FLT1: variants seen among roughly 807,000 people sequenced by gnomAD.
FLT1 encodes fms related receptor tyrosine kinase 1.
FLT1 carries 49 observed loss-of-function variants against 156.3 expected under a neutral mutation model. That is an observed-to-expected ratio of 0.31 (90% CI 0.25 to 0.40). The LOEUF is 0.40. Ranked by LOEUF, FLT1 falls within the 10% of genes least tolerant of loss-of-function variation. The probability of loss-of-function intolerance (pLI) is 1.00; values close to 1 mark genes in which losing one functional copy is unlikely to be tolerated. For synonymous variants in FLT1, 594 were observed against 583.8 expected (o/e 1.02, Z -0.25); for missense variants, 1,322 against 1,637.2 (o/e 0.81, Z 3.32).
chr13:28,465,093 TA>T (rs943205359), intron 3 of FLT1, among the ~76,000 whole-genome samples: 9 of 152,208 alleles, frequency 5.9e-5, no homozygotes, highest in South Asian at 2.1e-4. Context: ...TTTCCACCAC[TA>T]TCAAGCGTGT....
rs893373751 is a variant in FLT1, at chr13:28,486,190, T to C, written c.64+8590A>G. On this transcript the variant is annotated intron_variant, in intron 1 of 29. Coordinates refer to ENST00000282397, the MANE Select transcript of FLT1 (RefSeq NM_002019.4). ...GAATTACATGTTGTACGGGTTACCC[T>C]GGATGCCCCCAGGAAGGGGGAAGCA... is the stretch of plus-strand genomic sequence containing the variant. Among the ~76,000 whole-genome samples, 7 of 152,350 alleles carry C rather than the reference T, an allele frequency of 4.6e-5. No individual in the cohort carries two copies. In the East Asian group the frequency reaches 9.6e-4, roughly 21 times the overall value.
At chr13:28,412,336 TTC>T (rs1418608085) in intron 10 of FLT1, among the ~76,000 whole-genome samples, 3 of 79,842 alleles carry the variant, frequency 3.8e-5, no homozygotes, top group African/African-American at 8.1e-5. Context: ...TTTCTTTTCT[TTC>T]TTTCTTTCTT....
chr13:28,304,630 A>G (rs1208835891), intron 29 of FLT1, among the ~76,000 whole-genome samples: 1 of 152,158 alleles, frequency 6.6e-6, no homozygotes, highest in Non-Finnish European at 1.5e-5. Flanking sequence ...CATCACCATA[A>G]TCAACTTTAG....
intron 10 of FLT1, among the ~76,000 whole-genome samples, chr13:28,419,103 G>T (rs967328617): frequency 6.6e-6 from 1 of 152,144 alleles, no homozygotes; most frequent in African/African-American, 2.4e-5. Flanking sequence ...GTGGCAAAAC[G>T]TCCTAGGAGG....
intron 18 of FLT1, among the ~76,000 whole-genome samples, chr13:28,333,648 T>C (rs1383736675): frequency 6.6e-6 from 1 of 152,204 alleles, no homozygotes; most frequent in Non-Finnish European, 1.5e-5. Context: ...AGCAAAGCCA[T>C]TGGGATTTAG....
intron 1 of FLT1, among the ~76,000 whole-genome samples, chr13:28,474,881 A>G (rs989277337): frequency 1.3e-5 from 2 of 152,204 alleles, no homozygotes; most frequent in African/African-American, 4.8e-5. Flanking sequence ...TAAAGCTGCT[A>G]TTTTTAAAAA....
chr13:28,323,083 G>A (rs1871536483), intron 20 of FLT1, 137 bp from the exon 21 acceptor site: 2 of 920,212 alleles, frequency 2.2e-6, no homozygotes, highest in Admixed American at 1.9e-5. Context: ...CTAGCACAGG[G>A]GCCCTACGGT....
At chr13:28,409,860 CTT>C (rs548371737) in intron 10 of FLT1, among the ~76,000 whole-genome samples, 10 of 143,818 alleles carry the variant, frequency 7.0e-5, no homozygotes, top group Admixed American at 1.4e-4. Flanking sequence ...GATTCCATGG[CTT>C]TTTTTTTTTT....
At chr13:28,333,752 A>G (rs1872014134) in intron 18 of FLT1, among the ~76,000 whole-genome samples, 1 of 152,208 alleles carries the variant, frequency 6.6e-6, no homozygotes, top group African/African-American at 2.4e-5. Flanking sequence ...TGTTGTCTAC[A>G]GTCTGTGATG....
intron 24 of FLT1, among the ~76,000 whole-genome samples, chr13:28,319,196 A>G (rs1423357611): frequency 1.3e-5 from 2 of 152,214 alleles, no homozygotes; most frequent in Non-Finnish European, 2.9e-5. Flanking sequence ...GCCCTTTTAC[A>G]TGACCTTGTT....
chr13:28,345,316 G>C, intron 16 of FLT1, 129 bp downstream of exon 16: 1 of 693,398 alleles, frequency 1.4e-6, no homozygotes, highest in Non-Finnish European at 2.6e-6. Context: ...GTGTTCACCA[G>C]GTCAGAGATA....
intron 3 of FLT1, among the ~76,000 whole-genome samples, chr13:28,466,445 G>C (rs1470198868): frequency 6.6e-6 from 1 of 152,146 alleles, no homozygotes; most frequent in Non-Finnish European, 1.5e-5. Flanking sequence ...ATTGGAACCA[G>C]TTATATAACA....
At chr13:28,328,713 C>T (rs568456446) in intron 19 of FLT1, among the ~76,000 whole-genome samples, 1 of 152,358 alleles carries the variant, frequency 6.6e-6, no homozygotes, top group South Asian at 2.1e-4. Flanking sequence ...GGTCCAGCCA[C>T]CGTCCTCAGA....
At chr13:28,443,102 G>T (rs545087942) in intron 3 of FLT1, among the ~76,000 whole-genome samples, 27 of 152,276 alleles carry the variant, frequency 1.8e-4, no homozygotes, top group Admixed American at 4.6e-4. Flanking sequence ...CCAACACTCA[G>T]CTAGGTGGAG....
intron 16 of FLT1, among the ~76,000 whole-genome samples, chr13:28,340,036 G>A (rs975683217): frequency 1.3e-5 from 2 of 152,072 alleles, no homozygotes; most frequent in Non-Finnish European, 2.9e-5. Context: ...CCAACATGAT[G>A]AATCCCTGAC....
intron 13 of FLT1, chr13:28,388,352 C>CA (rs1874495179): frequency 1.9e-6 from 2 of 1,057,822 alleles, no homozygotes; most frequent in Admixed American, 5.4e-5. Flanking sequence ...AAGGAGGAAA[C>CA]AGTCTGGTGA....
intron 14 of FLT1, among the ~76,000 whole-genome samples, chr13:28,371,631 G>A (rs1441887812): frequency 5.9e-5 from 9 of 152,130 alleles, no homozygotes. Context: ...TAGTTAAAAG[G>A]TGAAAGTTCT....
intron 23 of FLT1, 50 bp from the exon 24 acceptor site, chr13:28,319,584 C>CAT: frequency 1.8e-6 from 2 of 1,105,814 alleles, no homozygotes; most frequent in Non-Finnish European, 2.8e-6. Context: ...AAACAAAGCA[C>CAT]ATTCAACCCG....
At chr13:28,462,493 G>C (rs903035953) in intron 3 of FLT1, among the ~76,000 whole-genome samples, 1 of 152,082 alleles carries the variant, frequency 6.6e-6, no homozygotes, top group Non-Finnish European at 1.5e-5. Flanking sequence ...ATTTGTTTTT[G>C]TTTATGACCT....
Sources: allele counts gnomAD v4.1 joint callset (sites outside exome capture counted in the v4.1 genomes callset), GRCh38; gene constraint gnomAD v4.1.1; transcripts MANE v1.5; gene names NCBI Gene and HGNC (gene_info 2026-07-23, HGNC 2026-07-21).